Variants in STAM2 observed in about 807,000 individuals in gnomAD.
STAM2 encodes signal transducing adaptor molecule 2.
STAM2 carries 51 observed loss-of-function variants against 65.6 expected under a neutral mutation model. The ratio of observed to expected loss-of-function variants is 0.78; its 90% CI spans 0.62 to 0.98. The LOEUF (loss-of-function observed/expected upper bound fraction) is 0.98, where lower values mean the gene tolerates loss of function less well. STAM2 is among the 50% of genes least tolerant of loss of function. STAM2 has a pLI of 0.00. For missense variants in STAM2, 584 were observed against 617.8 expected (o/e 0.95, Z 0.58); for synonymous variants, 198 against 208.4 (o/e 0.95, Z 0.43).
At chr2:152,166,154 G>A (rs889460237) in intron 1 of STAM2, among the ~76,000 whole-genome samples, 3 of 151,230 alleles carry the variant, frequency 2.0e-5, no homozygotes, top group Non-Finnish European at 4.4e-5. Context: ...AGGCTGGGGG[G>A]CAGAGCAAGG....
chr2:152,165,777 G>GA (rs1391433572), intron 1 of STAM2, among the ~76,000 whole-genome samples: 1 of 152,088 alleles, frequency 6.6e-6, no homozygotes, highest in Non-Finnish European at 1.5e-5. Context: ...AAAGAGTTGT[G>GA]AAAATTAAGT....
chr2:152,129,838 A>G (rs531255993), intron 11 of STAM2, among the ~76,000 whole-genome samples: 2 of 152,376 alleles, frequency 1.3e-5, no homozygotes, highest in East Asian at 3.9e-4. Context: ...GCTTTCTCTA[A>G]AATATGGCAA....
At chr2:152,174,127 T>C (rs1017529184) in intron 1 of STAM2, among the ~76,000 whole-genome samples, 1 of 152,244 alleles carries the variant, frequency 6.6e-6, no homozygotes, top group Non-Finnish European at 1.5e-5. Context: ...CAACTCTGCC[T>C]ACTTGTACCA....
chr2:152,121,474 G>A (rs10497095), intron 13 of STAM2, among the ~76,000 whole-genome samples: 32,154 of 152,000 alleles, frequency 0.21, 3,617 homozygotes, highest in Admixed American at 0.3. Flanking sequence ...GGCTCAAGAT[G>A]CCACTTTCAG....
chr2:152,164,766 C>T (rs960628648), intron 1 of STAM2, among the ~76,000 whole-genome samples: 3 of 152,056 alleles, frequency 2.0e-5, no homozygotes, highest in South Asian at 2.1e-4. Flanking sequence ...ATTTCTGGGG[C>T]GACTAGGAGG....
chr2:152,156,541 C>T (rs1689549722), intron 1 of STAM2, among the ~76,000 whole-genome samples: 1 of 152,160 alleles, frequency 6.6e-6, no homozygotes, highest in Non-Finnish European at 1.5e-5. Context: ...AAATCGCCGG[C>T]ATTTGGTGGG....
chr2:152,134,822 CCAT>C (rs765045537), intron 8 of STAM2, among the ~76,000 whole-genome samples: 3 of 152,162 alleles, frequency 2.0e-5, no homozygotes, highest in Non-Finnish European at 4.4e-5. Flanking sequence ...TTTCTGATTA[CCAT>C]CATTAGTACT....
intron 5 of STAM2, among the ~76,000 whole-genome samples, chr2:152,146,175 GC>G (rs1039984212): frequency 2.0e-5 from 3 of 150,276 alleles, no homozygotes; most frequent in African/African-American, 7.4e-5. Context: ...AAAGGCGGAG[GC>G]AGGAGAATTG....
At chr2:152,121,283 A>C (rs943255046) in intron 13 of STAM2, among the ~76,000 whole-genome samples, 1 of 152,158 alleles carries the variant, frequency 6.6e-6, no homozygotes, top group African/African-American at 2.4e-5. Flanking sequence ...TTGTTAATGT[A>C]ATTTTTATAT....
intron 8 of STAM2, 51 bp from the exon 9 acceptor site, chr2:152,133,535 T>G: frequency 1.4e-6 from 2 of 1,434,350 alleles, no homozygotes; most frequent in Non-Finnish European, 1.9e-6. Context: ...TCAGTAATTT[T>G]AGTCATTAAT....
intron 8 of STAM2, among the ~76,000 whole-genome samples, chr2:152,135,205 C>T (rs1411315488): frequency 6.6e-6 from 1 of 152,188 alleles, no homozygotes; most frequent in African/African-American, 2.4e-5. Flanking sequence ...ATATGAACTG[C>T]CTCTTACACT....
chr2:152,122,048 C>CAAAA (rs1172684242), intron 13 of STAM2, among the ~76,000 whole-genome samples: 5 of 117,544 alleles, frequency 4.3e-5, no homozygotes, highest in African/African-American at 1.7e-4. Context: ...ACTCCGTCCC[C>CAAAA]AAAAAAAAAA....
chr2:152,137,668 C>T (rs1689180419), intron 7 of STAM2, among the ~76,000 whole-genome samples: 1 of 152,018 alleles, frequency 6.6e-6, no homozygotes, highest in Non-Finnish European at 1.5e-5. Context: ...ATGCTTTTAC[C>T]CTTTTCTACC....
At chr2:152,175,167 G>A (rs1043549056) in intron 1 of STAM2, among the ~76,000 whole-genome samples, 2 of 152,206 alleles carry the variant, frequency 1.3e-5, no homozygotes, top group Non-Finnish European at 2.9e-5. Flanking sequence ...GGTTGTCTAG[G>A]TGTCAAGTGT....
chr2:152,140,406 T>C (rs772999953), intron 7 of STAM2, among the ~76,000 whole-genome samples: 14 of 152,332 alleles, frequency 9.2e-5, no homozygotes, highest in Non-Finnish European at 1.8e-4. Context: ...TCAAAGTACA[T>C]AAAAACTTGA....
In STAM2 at chr2:152,159,094, C is replaced by CATATATATATATATATATATAT. The variant is rs10524193; in HGVS notation, c.41-8866_41-8865insATATATATATATATATATATAT. Among the ~76,000 whole-genome samples, 229 of 102,924 alleles carry CATATATATATATATATATATAT rather than the reference C, an allele frequency of 2.2e-3. 10 individuals carry two copies. Among genetic ancestry groups the CATATATATATATATATATATAT allele is most frequent in the African/African-American group, 7.6e-3 (168 of 22,168 alleles). The allele number at this position is 102,924 out of a possible 152,430, so 67.5% of individuals were successfully genotyped here. A position where few individuals can be genotyped will look rare whatever the true frequency, so the allele number is the denominator to read the frequency against. On this transcript the variant is annotated intron_variant, in intron 1 of 13. Coordinates refer to ENST00000263904, the MANE Select transcript of STAM2 (RefSeq NM_005843.6). ...CAAGAAAAGCTAGCCAAAAAAAAAC[C>CATATATATATATATATATATAT]ATATATATATATATATACACACACA...
chr2:152,161,886 G>A (rs1414674901), intron 1 of STAM2, among the ~76,000 whole-genome samples: 1 of 151,690 alleles, frequency 6.6e-6, no homozygotes, highest in East Asian at 1.9e-4. Flanking sequence ...GAAATGGCAC[G>A]ATCTTGGCTC....
chr2:152,127,384 T>G (rs1406539465), intron 11 of STAM2, among the ~76,000 whole-genome samples: 1 of 152,196 alleles, frequency 6.6e-6, no homozygotes, highest in South Asian at 2.1e-4. Flanking sequence ...CTTTCACACA[T>G]TCTAGGTTTT....
chr2:152,174,816 GAATA>G (rs1560228332), intron 1 of STAM2, among the ~76,000 whole-genome samples: 1 of 152,188 alleles, frequency 6.6e-6, no homozygotes, highest in African/African-American at 2.4e-5. Context: ...AGACTTTCGA[GAATA>G]CATACATATA....
Sources: allele counts gnomAD v4.1 joint callset (sites outside exome capture counted in the v4.1 genomes callset), GRCh38; gene constraint gnomAD v4.1.1; transcripts MANE v1.5; gene names NCBI Gene and HGNC (gene_info 2026-07-23, HGNC 2026-07-21).